Variants in KLHL1 observed in about 807,000 individuals in gnomAD.
KLHL1 encodes the protein kelch like family member 1.
KLHL1 carries 47 observed loss-of-function variants against 77.7 expected under a neutral mutation model. The ratio of observed to expected loss-of-function variants is 0.60; its 90% CI spans 0.48 to 0.77. KLHL1 has a LOEUF of 0.77. KLHL1 is among the 30% of genes least tolerant of loss of function. The probability of loss-of-function intolerance (pLI) is 0.00; values close to 1 mark genes in which losing one functional copy is unlikely to be tolerated. For synonymous variants in KLHL1, 360 were observed against 325.2 expected, an observed-to-expected ratio of 1.11 and a Z score of -1.15; for missense variants, 925 against 910.8, an observed-to-expected ratio of 1.02 and a Z score of -0.20.
chr13:69,867,408 C>T lies in KLHL1; in HGVS notation c.1227+14875G>A, dbSNP rs1018163462. ...CAATCAATATTTGTTTCAGTTACTG[C>T]AGCTCTTTTGTCACACCTGAGAATA... On this transcript the variant is annotated intron_variant, in intron 5 of 10. Coordinates refer to ENST00000377844, the MANE Select transcript of KLHL1 (RefSeq NM_020866.3). Among the ~76,000 whole-genome samples, 8 of 152,024 alleles carry T rather than the reference C, an allele frequency of 5.3e-5. 1 individual carries two copies. The highest frequency in any genetic ancestry group is 6.6e-5 in the Admixed American group (1 of 15,222).
At chr13:70,069,895 A>G (rs2501215) in intron 1 of KLHL1, among the ~76,000 whole-genome samples, 151,190 of 152,168 alleles carry the variant, frequency 0.99, 75,119 homozygotes, top group East Asian at 1. Context: ...GAGGCCGGGC[A>G]CGGTGGCTCA....
At chr13:69,973,527 T>C (rs1352226044) in intron 2 of KLHL1, among the ~76,000 whole-genome samples, 2 of 151,718 alleles carry the variant, frequency 1.3e-5, no homozygotes, top group Non-Finnish European at 2.9e-5. Flanking sequence ...CAACACCACA[T>C]ACATTTTGCT....
intron 5 of KLHL1, among the ~76,000 whole-genome samples, chr13:69,881,214 T>C (rs1880976240): frequency 6.6e-6 from 1 of 152,188 alleles, no homozygotes; most frequent in Non-Finnish European, 1.5e-5. Context: ...TATCACTTAT[T>C]TATAAAGCTT....
At position 70,056,988 on chromosome 13, in the gene KLHL1, C is replaced by A. The variant is rs1385844947; in HGVS notation, c.497+50215G>T. ...AGCACAGAAATAAACGAAATTGTAA[C>A]AAAAATATCAAAAAAAAAATTGAAA... is the stretch of plus-strand genomic sequence containing the variant. On this transcript the variant is annotated intron_variant, in intron 1 of 10. Coordinates refer to ENST00000377844, the MANE Select transcript of KLHL1 (RefSeq NM_020866.3). Among the ~76,000 whole-genome samples the A allele has an allele frequency of 3.8e-5, 3 of 78,874 alleles. No individual in the cohort carries two copies. In the East Asian group the frequency reaches 1.6e-3, roughly 43 times the overall value. The allele number at this position is 78,874 out of a possible 152,430, so 51.7% of individuals were successfully genotyped here.
intron 1 of KLHL1, among the ~76,000 whole-genome samples, chr13:70,077,625 T>A (rs1887295982): frequency 6.6e-6 from 1 of 152,046 alleles, no homozygotes; most frequent in Non-Finnish European, 1.5e-5. Context: ...TTTCATCAAT[T>A]GTAATAAGTG....
intron 3 of KLHL1, among the ~76,000 whole-genome samples, chr13:69,955,879 T>G (rs1593984502): frequency 7.1e-6 from 1 of 141,644 alleles, no homozygotes; most frequent in Non-Finnish European, 1.5e-5. Context: ...ATATATATAT[T>G]TATATATATA....
At chr13:69,989,999 C>A (rs1296533451) in intron 1 of KLHL1, among the ~76,000 whole-genome samples, 1 of 151,750 alleles carries the variant, frequency 6.6e-6, no homozygotes, top group Non-Finnish European at 1.5e-5. Context: ...CCCTACAAGC[C>A]AGAGGAGATT....
chr13:69,819,392 C>A (rs1878248985), intron 6 of KLHL1, among the ~76,000 whole-genome samples: 1 of 152,004 alleles, frequency 6.6e-6, no homozygotes, highest in Non-Finnish European at 1.5e-5. Context: ...AATAGAAAAT[C>A]TCTGGGAAAT....
chr13:69,917,961 C>G (rs1238516768), intron 4 of KLHL1, among the ~76,000 whole-genome samples: 16 of 152,080 alleles, frequency 1.1e-4, no homozygotes, highest in Non-Finnish European at 4.4e-5. Flanking sequence ...TGTATTCATA[C>G]ATGTACTCCA....
At chr13:69,702,926 T>A (rs61118704) in intron 10 of KLHL1, among the ~76,000 whole-genome samples, 17,640 of 151,660 alleles carry the variant, frequency 0.12, 1,699 homozygotes, top group African/African-American at 0.27. Flanking sequence ...GTTATCTCCA[T>A]GAGAGAGATG....
chr13:69,941,484 A>G (rs987052806), intron 3 of KLHL1, among the ~76,000 whole-genome samples: 4 of 152,010 alleles, frequency 2.6e-5, no homozygotes, highest in African/African-American at 9.7e-5. Flanking sequence ...ATAAATGCCT[A>G]TAAATGCCTA....
chr13:70,053,668 T>C (rs1475844984), intron 1 of KLHL1, among the ~76,000 whole-genome samples: 1 of 152,090 alleles, frequency 6.6e-6, no homozygotes, highest in African/African-American at 2.4e-5. Flanking sequence ...TCTTCCAAGG[T>C]TTTGTACCAA....
chr13:70,091,726 G>A (rs1426590619), intron 1 of KLHL1, among the ~76,000 whole-genome samples: 2 of 152,026 alleles, frequency 1.3e-5, no homozygotes, highest in East Asian at 3.9e-4. Context: ...CCAGTTCCAG[G>A]AGACTGCTGG....
intron 6 of KLHL1, among the ~76,000 whole-genome samples, chr13:69,818,973 G>T (rs987829289): frequency 1.1e-4 from 16 of 152,124 alleles, no homozygotes; most frequent in African/African-American, 2.9e-4. Flanking sequence ...AAACGGTCAG[G>T]TTTCTCTGAC....
rs1593651325 is a variant in KLHL1, at chr13:69,985,579, GGAGACTCTTAAGAAAAAA to G, written c.498-9795_498-9778del. Among the ~76,000 whole-genome samples the G allele has an allele frequency of 2.0e-5, 3 of 151,386 alleles. No individual in the cohort carries two copies. The East Asian group carries it at 5.8e-4, about 29-fold the overall frequency. On this transcript the variant is annotated intron_variant, in intron 1 of 10. Coordinates refer to ENST00000377844, the MANE Select transcript of KLHL1 (RefSeq NM_020866.3). ...TAGTACAGCCATTATAGACCAGTAT[GGAGACTCTTAAGAAAAAA>G]CAGACTACCATATGATCCAGCAATT...
At chr13:69,983,443 A>G (rs1884770129) in intron 1 of KLHL1, among the ~76,000 whole-genome samples, 1 of 151,992 alleles carries the variant, frequency 6.6e-6, no homozygotes, top group African/African-American at 2.4e-5. Context: ...ACACTACCTG[A>G]CTTTAAAATA....
chr13:69,826,103 C>A (rs1473257483), intron 6 of KLHL1, among the ~76,000 whole-genome samples: 1 of 152,032 alleles, frequency 6.6e-6, no homozygotes, highest in Non-Finnish European at 1.5e-5. Context: ...CTCACTTTTG[C>A]ATAGGAGCTA....
intron 6 of KLHL1, among the ~76,000 whole-genome samples, chr13:69,818,926 A>AT (rs1317543542): frequency 5.9e-5 from 9 of 152,222 alleles, no homozygotes; most frequent in Non-Finnish European, 2.9e-5. Flanking sequence ...AGAAAAAGTC[A>AT]TACAGTATTT....
chr13:69,885,168 C>CT (rs1881167672), intron 4 of KLHL1, among the ~76,000 whole-genome samples: 1 of 136,326 alleles, frequency 7.3e-6, no homozygotes, highest in Non-Finnish European at 1.5e-5. Flanking sequence ...TCTCGATCTC[C>CT]TGACCTCGTG....
Sources: gnomAD v4.1 joint callset for allele counts (sites outside exome capture counted in the v4.1 genomes callset) on GRCh38, gnomAD v4.1.1 for gene constraint, MANE v1.5 for transcripts, NCBI Gene and HGNC (gene_info 2026-07-23, HGNC 2026-07-21) for gene names.